The following SETX variants were observed in gnomAD, a reference collection of about 807,000 sequenced individuals.
The protein encoded by SETX is senataxin.
Under a neutral mutation model 227.2 loss-of-function variants are expected in SETX, and 90 were observed. That is an observed-to-expected ratio of 0.40 (90% CI 0.33 to 0.47). The LOEUF (loss-of-function observed/expected upper bound fraction) is 0.47. Among genes scored for constraint, SETX ranks in the 20% least tolerant of loss-of-function variants. The pLI, the probability that SETX is intolerant of heterozygous loss-of-function variation, is 0.91. For synonymous variants in SETX, 1,210 were observed against 1,113.2 expected, an observed-to-expected ratio of 1.09 and a Z score of -1.73; for missense variants, 3,052 against 3,181.5, an observed-to-expected ratio of 0.96 and a Z score of 0.98.
In SETX at chr9:132,298,142, G is replaced by C; in HGVS notation, c.5719C>G (p.Leu1907Val). ...CAGAAGTCCATAGGGTTTGGATTCA[G>C]AACAGCTCTAGCCAGTTGGTTCCGA... ...GSRNQLARAV[L>V]NPNPMDFCTK... The change falls in exon 13 of 26, where the codon CTG (leucine) becomes GTG (valine). Residue 1907 changes from leucine to valine, a missense_variant. Physicochemically the swap from Leu to Val is conservative, Grantham distance 32 (BLOSUM62 1). Around this residue, in one of 10 missense-constraint regions of SETX, gnomAD observed 239 missense variants for 272.1 expected, o/e 0.88. Coordinates refer to ENST00000224140, the MANE Select transcript of SETX (RefSeq NM_015046.7). 2 of 1,614,068 alleles carry C rather than the reference G, an allele frequency of 1.2e-6. No individual in the cohort carries two copies. The highest frequency in any genetic ancestry group is 1.7e-6 in the Non-Finnish European group (2 of 1,179,992).
chr9:132,336,149 A>T, intron 6 of SETX, 147 bp downstream of exon 6: 1 of 689,634 alleles, frequency 1.5e-6, no homozygotes. Flanking sequence ...AGGCTAAGGC[A>T]GGAGAATTGC....
At position 132,264,455 on chromosome 9, in the gene SETX, G is replaced by A. The variant is rs764270386; in HGVS notation, c.7818C>T (p.Gly2606=). The A allele has an allele frequency of 2.9e-5, 47 of 1,613,678 alleles. No homozygotes were observed. The highest frequency in any genetic ancestry group is 2.8e-4 in the Admixed American group (17 of 59,996). ...CCTCGGGACTGGCAGCTGGAGGTTCGCCCCGCACGGGAGGTTTGTGGCTGC... is the reference window on the plus strand; with the variant it reads ...CCTCGGGACTGGCAGCTGGAGGTTCACCCCGCACGGGAGGTTTGTGGCTGC... The part of the protein sequence containing the change: ...ALSSHKPPVR[G]EPPAASPEAS... The change falls in exon 26 of 26, where the codon GGC becomes GGT. Residue 2606 remains glycine, a synonymous_variant. Coordinates refer to ENST00000224140, the MANE Select transcript of SETX (RefSeq NM_015046.7).
At position 132,336,500 on chromosome 9, in the gene SETX, T is replaced by C. The variant is rs1847627272; in HGVS notation, c.514A>G (p.Ile172Val). The C allele has an allele frequency of 2.5e-6, 4 of 1,613,488 alleles. No homozygotes were observed. The highest frequency in any genetic ancestry group is 3.4e-6 in the Non-Finnish European group (4 of 1,179,376). The change falls in exon 6 of 26, where the codon ATC (isoleucine) becomes GTC (valine). Residue 172 changes from isoleucine (I) to valine (V), a missense_variant. Ile to Val is a conservative substitution (Grantham distance 29). Coordinates refer to ENST00000224140, the MANE Select transcript of SETX (RefSeq NM_015046.7). Reference protein sequence around the residue: ...HPNEMVRRWAILTARNLGKVD... With the variant: ...HPNEMVRRWAVLTARNLGKVD... ...TTCCCCAAGTTTCTTGCAGTCAAGA[T>C]AGCCCAACGCCGAACCTAAATGCAG...
chr9:132,315,917 G>C (rs1219662702), intron 10 of SETX, among the ~76,000 whole-genome samples: 2 of 152,182 alleles, frequency 1.3e-5, no homozygotes, highest in African/African-American at 4.8e-5. Context: ...AAATCCAGAA[G>C]GGGGGTGTGT....
chr9:132,309,751 A>G (rs1392248803), intron 11 of SETX, among the ~76,000 whole-genome samples: 1 of 152,104 alleles, frequency 6.6e-6, no homozygotes, highest in Non-Finnish European at 1.5e-5. Context: ...TACATGGGGT[A>G]GGTGGATCTG....
chr9:132,313,141 C>T (rs1181075246), intron 10 of SETX, among the ~76,000 whole-genome samples: 1 of 152,086 alleles, frequency 6.6e-6, no homozygotes. Flanking sequence ...CAGAAATGTT[C>T]TAAAACTGGG....
intron 12 of SETX, among the ~76,000 whole-genome samples, chr9:132,300,174 T>C (rs1844908468): frequency 7.1e-6 from 1 of 140,610 alleles, no homozygotes; most frequent in Non-Finnish European, 1.5e-5. Flanking sequence ...TCTCACTGCA[T>C]ACATCTGGTA....
At chr9:132,354,277 C>T in intron 1 of SETX, among the ~76,000 whole-genome samples, 1 of 152,064 alleles carries the variant, frequency 6.6e-6, no homozygotes, top group Non-Finnish European at 1.5e-5. Flanking sequence ...CTCGGAGGAT[C>T]CCTGGAGCAG....
chr9:132,275,010 T>C (rs1025749677), intron 23 of SETX: 4 of 516,752 alleles, frequency 7.7e-6, no homozygotes, highest in Non-Finnish European at 1.0e-5. Context: ...GGTAAAGACC[T>C]GGCAAGTTTC....
intron 15 of SETX, among the ~76,000 whole-genome samples, chr9:132,293,378 AG>A (rs1259977401): frequency 1.3e-5 from 2 of 152,152 alleles, no homozygotes; most frequent in Non-Finnish European, 2.9e-5. Context: ...GTACTGAAAA[AG>A]AAAAAAAGGT....
Position 132,329,603 on chromosome 9 carries a change from TTCTATA to T in SETX, c.1989_1994del (p.Ile664_Glu665del), listed in dbSNP as rs773195802. On this transcript the variant is annotated inframe_deletion, in exon 10 of 26. Transcript: ENST00000224140. ...TATAATTTTGCTCATTATTGTCACC[TTCTATA>T]GTGTTATCTGCTTTGATCAATACAC... The T allele has an allele frequency of 8.7e-6, 14 of 1,613,908 alleles. No homozygotes were observed. In the East Asian group the frequency reaches 2.9e-4, roughly 33 times the overall value.
At chr9:132,288,454 C>A in intron 16 of SETX, 96 bp downstream of exon 16, 5 of 1,410,532 alleles carry the variant, frequency 3.5e-6, no homozygotes, top group South Asian at 1.2e-5. Context: ...CAAAGCCAGA[C>A]TAATTCTGGA....
At chr9:132,302,950 A>C (rs1845102212) in intron 11 of SETX, among the ~76,000 whole-genome samples, 1 of 152,214 alleles carries the variant, frequency 6.6e-6, no homozygotes, top group South Asian at 2.1e-4. Context: ...TGGCAAGGTT[A>C]TTCAATGAGA....
At chr9:132,312,887 A>G (rs1845746093) in intron 10 of SETX, among the ~76,000 whole-genome samples, 3 of 152,246 alleles carry the variant, frequency 2.0e-5, no homozygotes, top group African/African-American at 7.2e-5. Flanking sequence ...ATATCCATAC[A>G]ATAGAATCTC....
chr9:132,355,578 G>C (rs1263384514), upstream of SETX, among the ~76,000 whole-genome samples: 1 of 152,230 alleles, frequency 6.6e-6, no homozygotes, highest in Admixed American at 6.5e-5. Context: ...GGTGGCTCCC[G>C]CTTCTAATCC....
intron 3 of SETX, among the ~76,000 whole-genome samples, chr9:132,347,101 A>C (rs1023904737): frequency 6.6e-6 from 1 of 151,864 alleles, no homozygotes; most frequent in Admixed American, 6.6e-5. Context: ...CTAAAAATAC[A>C]AAAATAGCCA....
chr9:132,350,350 AAAAC>A (rs776432039), intron 2 of SETX, among the ~76,000 whole-genome samples: 60 of 152,294 alleles, frequency 3.9e-4, no homozygotes, highest in Middle Eastern at 3.4e-3. Flanking sequence ...ACTCTGTCTC[AAAAC>A]AAACAAACAA....
At chr9:132,313,496 A>T (rs984447348) in intron 10 of SETX, among the ~76,000 whole-genome samples, 4 of 152,222 alleles carry the variant, frequency 2.6e-5, no homozygotes, top group Admixed American at 2.0e-4. Context: ...ATGATAGCTG[A>T]AATTCTGGAG....
chr9:132,328,931 A>T lies in SETX; in HGVS notation c.2667T>A (p.Phe889Leu). ...FHENNCKIQE[F>L]HVDGKELIPF... is the part of the protein sequence containing the mutation. The stretch of plus-strand genomic sequence containing the variant: ...GGATCAATTCTTTACCATCAACATG[A>T]AATTCCTGTATTTTACAATTGTTTT... The change falls in exon 10 of 26, where the codon TTT becomes TTA. Residue 889 changes from phenylalanine (F) to leucine (L), a missense_variant. Phe to Leu is a conservative substitution (Grantham distance 22, BLOSUM62 0). Around this residue, in one of 10 missense-constraint regions of SETX, gnomAD observed 1,483 missense variants for 1,312.0 expected, o/e 1.13. Transcript: ENST00000224140. 6.2e-7 allele frequency: 1 copy of T among 1,612,680 alleles called. No individual in the cohort carries two copies. Among genetic ancestry groups the T allele is most frequent in the Non-Finnish European group, 8.5e-7 (1 of 1,179,664 alleles).
Sources: allele counts gnomAD v4.1 joint callset (sites outside exome capture counted in the v4.1 genomes callset), GRCh38; gene constraint gnomAD v4.1.1; regional missense constraint gnomAD v4.1.1; transcripts MANE v1.5; gene names NCBI Gene and HGNC (gene_info 2026-07-23, HGNC 2026-07-21).